The following TBX18 variants were observed in gnomAD, a reference collection of about 807,000 sequenced individuals.
The protein encoded by TBX18 is T-box transcription factor 18, also known as T-box transcription factor TBX18.
A neutral mutation model predicts 55.0 loss-of-function variants in TBX18; 21 were observed. The observed-to-expected ratio is 0.38, with a 90% CI of 0.27 to 0.55. The LOEUF (loss-of-function observed/expected upper bound fraction) is 0.55. Among genes scored for constraint, TBX18 ranks in the 20% least tolerant of loss-of-function variants. The pLI is 0.73. For missense variants in TBX18, 840 were observed against 799.6 expected, an observed-to-expected ratio of 1.05 and a Z score of -0.61; for synonymous variants, 342 against 326.1, an observed-to-expected ratio of 1.05 and a Z score of -0.53.
chr6:84,747,969 G>C lies in TBX18; in HGVS notation c.890C>G (p.Ser297Cys), dbSNP rs1190476221. The C allele has an allele frequency of 3.7e-6, 6 of 1,613,310 alleles. No individual in the cohort carries two copies. Among genetic ancestry groups the C allele is most frequent in the Non-Finnish European group, 2.5e-6 (3 of 1,179,368 alleles). Residue 297 changes from serine to cysteine, a missense_variant, in exon 5 of 8, where the codon TCC becomes TGC. By Grantham distance (112) the Ser-to-Cys change is moderately radical (BLOSUM62 -1). Transcript: ENST00000369663. Reference sequence around the variant, plus strand: ...GGTTGTGAAGACAGTTTCTGGAAAGGAGAATGCCTTTACTCCCTCCCCGGA... The same window carrying C: ...GGTTGTGAAGACAGTTTCTGGAAAGCAGAATGCCTTTACTCCCTCCCCGGA... ...VPSGEGVKAF[S>C]FPETVFTTVT...
At chr6:84,744,366 G>A (rs774690463) in intron 5 of TBX18, 41 bp from the exon 6 acceptor site, 4 of 1,579,746 alleles carry the variant, frequency 2.5e-6, no homozygotes, top group East Asian at 4.5e-5. Context: ...TTATATAAAT[G>A]TCAAGCAAGT....
At chr6:84,762,771 A>AGGGAACTGGTGAG in intron 1 of TBX18, 23 bp from the exon 2 acceptor site, 6 of 1,573,624 alleles carry the variant, frequency 3.8e-6, no homozygotes, top group Non-Finnish European at 5.2e-6. Flanking sequence ...GGACAGAGAA[A>AGGGAACTGGTGAG]GGGAACTGGT....
At chr6:84,749,792 TAAATA>T (rs977789494) in intron 4 of TBX18, among the ~76,000 whole-genome samples, 9 of 152,152 alleles carry the variant, frequency 5.9e-5, no homozygotes, top group African/African-American at 1.7e-4. Flanking sequence ...ATTTTTTAAA[TAAATA>T]AAAGTACAAA....
chr6:84,764,155 C>T lies in TBX18; in HGVS notation c.27G>A (p.Pro9=), dbSNP rs1767751040. ...GCGCCTTGAGGCTTAGCATGCTGCA[C>T]GGCGAGCCCCTTCGCTTCTCGGCCA... The part of the protein sequence containing the change: MAEKRRGS[P]CSMLSLKAHA... Residue 9 remains proline, a synonymous_variant, in exon 1 of 8, where the codon CCG becomes CCA. Transcript: ENST00000369663. 6.5e-7 allele frequency: 1 copy of T among 1,530,488 alleles called. No homozygotes were observed. Among genetic ancestry groups the T allele is most frequent in the Non-Finnish European group, 8.7e-7 (1 of 1,148,626 alleles). The allele number at this position is 1,530,488 out of a possible 1,614,324, so 94.8% of individuals were successfully genotyped here.
At chr6:84,760,417 C>A in intron 2 of TBX18, 61 bp from the exon 3 acceptor site, 2 of 1,114,390 alleles carry the variant, frequency 1.8e-6, no homozygotes, top group Non-Finnish European at 1.3e-6. Flanking sequence ...AAGGATGGAG[C>A]GTGAATAAGC....
rs574425896 is a variant in TBX18 at position 84,734,907 on chromosome 6, C to A, written c.*1778G>T. 6.6e-6 allele frequency: 1 copy of A among 152,162 alleles called. No homozygotes were observed. Among genetic ancestry groups the A allele is most frequent in the African/African-American group, 2.4e-5 (1 of 41,450 alleles). 9.4% of individuals were successfully genotyped at this position (152,162 alleles called of 1,614,324 possible). ...TGCAAATATTTCATGTCCCTTCATG[C>A]TAGTTTTAAATTTAAAAATTTAATA... On this transcript the variant is annotated 3_prime_UTR_variant, in exon 8 of 8. Coordinates refer to ENST00000369663, the MANE Select transcript of TBX18 (RefSeq NM_001080508.3).
chr6:84,747,282 C>T (rs904049248), intron 5 of TBX18, among the ~76,000 whole-genome samples: 2 of 152,018 alleles, frequency 1.3e-5, no homozygotes, highest in Non-Finnish European at 2.9e-5. Flanking sequence ...TACATATTGC[C>T]TCTGATTCAA....
intron 1 of TBX18, 134 bp from the exon 2 acceptor site, chr6:84,762,882 T>A (rs1246832257): frequency 1.2e-6 from 1 of 820,536 alleles, no homozygotes; most frequent in African/African-American, 1.7e-5. Flanking sequence ...TGCCATCAGG[T>A]CCTCCTAAAG....
In TBX18 at chr6:84,735,153, GC is replaced by G. The variant is rs1773903819; in HGVS notation, c.*1531del. The G allele has an allele frequency of 6.6e-6, 1 of 152,076 alleles. No homozygotes were observed. The highest frequency in any genetic ancestry group is 2.1e-4 in the South Asian group (1 of 4,826). 9.4% of individuals were successfully genotyped at this position (152,076 alleles called of 1,614,324 possible). ...CAATGAGAGAAAATCATGCTCTTTT[GC>G]TTAAGATACATGAAATGTAATGAAT... On this transcript the variant is annotated 3_prime_UTR_variant, in exon 8 of 8. Coordinates refer to ENST00000369663, the MANE Select transcript of TBX18 (RefSeq NM_001080508.3).
At chr6:84,758,766 G>A (rs1031105909) in intron 3 of TBX18, among the ~76,000 whole-genome samples, 2 of 152,218 alleles carry the variant, frequency 1.3e-5, no homozygotes, top group African/African-American at 2.4e-5. Flanking sequence ...CAGAATAAAA[G>A]CTACAAGTTA....
chr6:84,740,147 G>A (rs1164404747), intron 6 of TBX18, among the ~76,000 whole-genome samples: 1 of 152,182 alleles, frequency 6.6e-6, no homozygotes, highest in Admixed American at 6.5e-5. Context: ...GTGCAGGATT[G>A]CCAAAGAAAA....
rs1773932408 is a variant in TBX18, at chr6:84,736,107, T to C, written c.*578A>G. 6.6e-6 allele frequency: 1 copy of C among 152,566 alleles called. No individual in the cohort carries two copies. Among genetic ancestry groups the C allele is most frequent in the African/African-American group, 2.4e-5 (1 of 41,428 alleles). The allele number at this position is 152,566 out of a possible 1,614,324, so 9.5% of individuals were successfully genotyped here. On this transcript the variant is annotated 3_prime_UTR_variant, in exon 8 of 8. Transcript: ENST00000369663. ...TGATTTTTTTATAGACCCAAGGTCA[T>C]ATAGTATGTGTGGTAAATAATAAGC...
chr6:84,743,308 C>CT (rs955657185), intron 6 of TBX18, among the ~76,000 whole-genome samples: 1 of 152,168 alleles, frequency 6.6e-6, no homozygotes, highest in Non-Finnish European at 1.5e-5. Flanking sequence ...GAAAAGGTCT[C>CT]TGTCACCCAT....
intron 6 of TBX18, 78 bp downstream of exon 6, chr6:84,744,183 T>C: frequency 1.6e-6 from 2 of 1,281,732 alleles, no homozygotes; most frequent in African/African-American, 1.5e-5. Context: ...AATTTAGCCA[T>C]TTACTTTGTA....
At position 84,736,950 on chromosome 6, in the gene TBX18, G is replaced by T; in HGVS notation, c.1559C>A (p.Thr520Asn). ...TNQTHQGSYNTFRLHSPCALY... is the reference protein window; with the variant it reads ...TNQTHQGSYNNFRLHSPCALY... Reference sequence around the variant, plus strand: ...TGCACAGGGGCTGTGTAATCTAAAAGTATTATAGGAACCCTGATGGGTCTG... The same window carrying T: ...TGCACAGGGGCTGTGTAATCTAAAATTATTATAGGAACCCTGATGGGTCTG... Residue 520 changes from threonine (T) to asparagine (N), a missense_variant, in exon 8 of 8, where the codon ACT becomes AAT. Thr to Asn is a moderately conservative substitution (Grantham distance 65). Coordinates refer to ENST00000369663, the MANE Select transcript of TBX18 (RefSeq NM_001080508.3). 1.9e-6 allele frequency: 3 copies of T among 1,609,590 alleles called. No individual in the cohort carries two copies. The highest frequency in any genetic ancestry group is 2.2e-5 in the South Asian group (2 of 90,400).
At chr6:84,738,639 G>T (rs369463822) in intron 6 of TBX18, 48 bp from the exon 7 acceptor site, 69 of 1,391,822 alleles carry the variant, frequency 5.0e-5, no homozygotes, top group Non-Finnish European at 6.2e-5. Flanking sequence ...AGTCTAGTTA[G>T]GAGCATTTGG....
chr6:84,739,813 T>C lies in TBX18; in HGVS notation c.1005-1222A>G, dbSNP rs143217530. On this transcript the variant is annotated intron_variant, in intron 6 of 7. Coordinates refer to ENST00000369663, the MANE Select transcript of TBX18 (RefSeq NM_001080508.3). ...CTCTAAACACCAGAGGTAAGTGATTTGTGCCAATAAAACTATCTTACACTA... is the reference window on the plus strand; with the variant it reads ...CTCTAAACACCAGAGGTAAGTGATTCGTGCCAATAAAACTATCTTACACTA... Among the ~76,000 whole-genome samples the C allele has an allele frequency of 1.3e-4, 20 of 152,344 alleles. No individual in the cohort carries two copies. The East Asian group carries it at 3.5e-3, about 26-fold the overall frequency.
At chr6:84,739,914 G>A (rs563542215) in intron 6 of TBX18, among the ~76,000 whole-genome samples, 2 of 152,304 alleles carry the variant, frequency 1.3e-5, no homozygotes, top group African/African-American at 4.8e-5. Flanking sequence ...TCTGTTAATT[G>A]ATTTCTGTAC....
chr6:84,749,049 A>T (rs998080213), intron 4 of TBX18, among the ~76,000 whole-genome samples: 6 of 152,198 alleles, frequency 3.9e-5, no homozygotes, highest in African/African-American at 1.4e-4. Flanking sequence ...CCATAGAAAG[A>T]TATAAACAGT....
Sources: allele counts gnomAD v4.1 joint callset (sites outside exome capture counted in the v4.1 genomes callset), GRCh38; gene constraint gnomAD v4.1.1; transcripts MANE v1.5; gene names NCBI Gene and HGNC (gene_info 2026-07-23, HGNC 2026-07-21).